The following FBXL17 variants were observed in gnomAD, a reference collection of about 807,000 sequenced individuals.
The protein encoded by FBXL17 is F-box and leucine rich repeat protein 17.
FBXL17 carries 22 observed loss-of-function variants against 66.2 expected under a neutral mutation model. That is an observed-to-expected ratio of 0.33 (90% CI 0.24 to 0.47). The LOEUF is 0.47. FBXL17 is among the 20% of genes least tolerant of loss of function. FBXL17 has a pLI of 1.00. For synonymous variants in FBXL17, 474 were observed against 400.5 expected, an observed-to-expected ratio of 1.18 and a Z score of -2.19; for missense variants, 878 against 948.2, an observed-to-expected ratio of 0.93 and a Z score of 0.97.
intron 6 of FBXL17, among the ~76,000 whole-genome samples, chr5:108,129,516 T>C (rs980369766): frequency 1.3e-5 from 2 of 152,066 alleles, no homozygotes; most frequent in Non-Finnish European, 2.9e-5. Flanking sequence ...GGCTCCCATT[T>C]AGCTTCAATC....
chr5:107,967,644 A>ATCATTATGTG (rs760717401), intron 7 of FBXL17, among the ~76,000 whole-genome samples: 64 of 152,102 alleles, frequency 4.2e-4, no homozygotes, highest in Non-Finnish European at 7.8e-4. Flanking sequence ...ACAAACCTGC[A>ATCATTATGTG]CATTATGCAC....
intron 8 of FBXL17, among the ~76,000 whole-genome samples, chr5:107,877,369 C>T (rs1285811766): frequency 6.6e-6 from 1 of 152,136 alleles, no homozygotes; most frequent in African/African-American, 2.4e-5. Context: ...TAACTTTTCC[C>T]ATTTGTTCTC....
At chr5:108,064,177 G>A (rs1037101271) in intron 6 of FBXL17, among the ~76,000 whole-genome samples, 2 of 151,950 alleles carry the variant, frequency 1.3e-5, no homozygotes, top group African/African-American at 4.8e-5. Flanking sequence ...ATATATTGCA[G>A]GCACACCTAT....
rs765399250 is a variant in FBXL17 at position 108,002,182 on chromosome 5, A to ATTTTTTTTTTTTTTTTTTTT, written c.1822+18723_1822+18742dup. ...TGGCACACACCACCACACCCAGCTAATTTTTTTTTTTTTTTTTTTTTTAGT... is the reference window on the plus strand; with the variant it reads ...TGGCACACACCACCACACCCAGCTAATTTTTTTTTTTTTTTTTTTTTTTTTTTTTTTTTTTTTTTTTTAGT... On this transcript the variant is annotated intron_variant, in intron 7 of 8. Coordinates refer to ENST00000542267, the MANE Select transcript of FBXL17 (RefSeq NM_001163315.3). Among the ~76,000 whole-genome samples, 131 of 109,424 alleles carry ATTTTTTTTTTTTTTTTTTTT rather than the reference A, an allele frequency of 1.2e-3. 5 individuals are homozygous for ATTTTTTTTTTTTTTTTTTTT. The highest frequency in any genetic ancestry group is 5.5e-3 in the African/African-American group (123 of 22,282). The allele number at this position is 109,424 out of a possible 152,430, so 71.8% of individuals were successfully genotyped here.
chr5:108,240,638 C>T (rs925591949), intron 4 of FBXL17, among the ~76,000 whole-genome samples: 1 of 152,094 alleles, frequency 6.6e-6, no homozygotes, highest in Non-Finnish European at 1.5e-5. Flanking sequence ...GAACTTGCCA[C>T]CCTGAAGGGA....
chr5:108,368,374 C>T (rs1000040425), intron 1 of FBXL17, among the ~76,000 whole-genome samples: 9 of 151,862 alleles, frequency 5.9e-5, no homozygotes, highest in Admixed American at 2.0e-4. Flanking sequence ...CTTGGAGCCA[C>T]GTGAACTTTT....
At chr5:108,178,185 C>T (rs1752867507) in intron 6 of FBXL17, among the ~76,000 whole-genome samples, 1 of 151,938 alleles carries the variant, frequency 6.6e-6, no homozygotes, top group Non-Finnish European at 1.5e-5. Context: ...GCTGGGTCAA[C>T]AGGCACGTGC....
chr5:108,166,055 C>T (rs1752403053), intron 6 of FBXL17, among the ~76,000 whole-genome samples: 1 of 152,158 alleles, frequency 6.6e-6, no homozygotes, highest in Non-Finnish European at 1.5e-5. Flanking sequence ...TCACAGTTCC[C>T]TTATAACATT....
chr5:108,087,437 C>G (rs1361743052), intron 6 of FBXL17, among the ~76,000 whole-genome samples: 1 of 152,010 alleles, frequency 6.6e-6, no homozygotes, highest in Admixed American at 6.6e-5. Flanking sequence ...CCATGTCAAC[C>G]CAAAGCAGGA....
intron 6 of FBXL17, among the ~76,000 whole-genome samples, chr5:108,153,592 T>C (rs531077645): frequency 6.6e-6 from 1 of 152,268 alleles, no homozygotes; most frequent in Non-Finnish European, 1.5e-5. Flanking sequence ...ACGTTGCTGA[T>C]CTACTAGGTG....
intron 6 of FBXL17, among the ~76,000 whole-genome samples, chr5:108,067,696 A>T (rs1454190791): frequency 6.6e-6 from 1 of 152,144 alleles, no homozygotes; most frequent in East Asian, 1.9e-4. Context: ...TAAGGGGTGG[A>T]GGGCAAGTAT....
At chr5:108,342,477 A>G (rs1230467527) in intron 4 of FBXL17, among the ~76,000 whole-genome samples, 1 of 152,162 alleles carries the variant, frequency 6.6e-6, no homozygotes, top group Non-Finnish European at 1.5e-5. Context: ...CATGCTAATA[A>G]TTAACTTCTT....
At chr5:108,262,195 G>T (rs1756864157) in intron 4 of FBXL17, among the ~76,000 whole-genome samples, 1 of 151,540 alleles carries the variant, frequency 6.6e-6, no homozygotes, top group Non-Finnish European at 1.5e-5. Flanking sequence ...TCCTGCCTCG[G>T]CCTCCCAAAT....
rs556460941 is a variant in FBXL17 at position 108,187,455 on chromosome 5, T to A, written c.1615-1208A>T. ...AGATTATCCCAGGTTATCTGAGTAG[T>A]CCCAGTGTAATCACTGGAGACCCTT... is the stretch of plus-strand genomic sequence containing the variant. On this transcript the variant is annotated intron_variant, in intron 5 of 8. Coordinates refer to ENST00000542267, the MANE Select transcript of FBXL17 (RefSeq NM_001163315.3). Among the ~76,000 whole-genome samples, 13 of 152,290 alleles carry A rather than the reference T, an allele frequency of 8.5e-5. No homozygotes were observed. The South Asian group carries it at 2.7e-3, about 32-fold the overall frequency.
At chr5:108,053,443 A>C (rs1410796495) in intron 6 of FBXL17, among the ~76,000 whole-genome samples, 17 of 152,208 alleles carry the variant, frequency 1.1e-4, no homozygotes. Flanking sequence ...ATATGAAAAA[A>C]AGCTCAATAG....
At chr5:108,163,226 C>T (rs1752280920) in intron 6 of FBXL17, among the ~76,000 whole-genome samples, 2 of 152,006 alleles carry the variant, frequency 1.3e-5, no homozygotes, top group South Asian at 4.1e-4. Context: ...GAGAGTCAAC[C>T]TCTATTCCTT....
At chr5:108,025,704 A>AAC (rs142809932) in intron 6 of FBXL17, among the ~76,000 whole-genome samples, 220 of 123,444 alleles carry the variant, frequency 1.8e-3, no homozygotes, top group Non-Finnish European at 2.3e-3. Context: ...CACACACACA[A>AAC]ACACACACAC....
At chr5:108,369,135 T>C (rs1748862706) in intron 1 of FBXL17, among the ~76,000 whole-genome samples, 1 of 152,200 alleles carries the variant, frequency 6.6e-6, no homozygotes, top group South Asian at 2.1e-4. Context: ...TCCTCTGCCA[T>C]ATTGTTTATG....
intron 7 of FBXL17, among the ~76,000 whole-genome samples, chr5:108,018,056 T>A (rs1441148940): frequency 6.6e-6 from 1 of 151,146 alleles, no homozygotes; most frequent in East Asian, 1.9e-4. Flanking sequence ...TAAAAAAAAA[T>A]AAAAAATCTC....
Sources: allele counts gnomAD v4.1 joint callset (sites outside exome capture counted in the v4.1 genomes callset), GRCh38; gene constraint gnomAD v4.1.1; transcripts MANE v1.5; gene names NCBI Gene and HGNC (gene_info 2026-07-23, HGNC 2026-07-21).